Variants in XPR1 observed in about 807,000 individuals in gnomAD.
The protein encoded by XPR1 is xenotropic and polytropic retrovirus receptor 1, also known as solute carrier family 53 member 1.
In XPR1, 28 loss-of-function variants were observed where a neutral mutation model predicts 87.5. That is an observed-to-expected ratio of 0.32 (90% CI 0.24 to 0.44). The LOEUF (loss-of-function observed/expected upper bound fraction) is 0.44, where lower values mean the gene tolerates loss of function less well. XPR1 is among the 20% of genes least tolerant of loss of function. The pLI, the probability that XPR1 is intolerant of heterozygous loss-of-function variation, is 1.00. For synonymous variants in XPR1, 300 were observed against 306.1 expected (o/e 0.98, Z 0.21); for missense variants, 559 against 862.3 (o/e 0.65, Z 4.41).
intron 11 of XPR1, among the ~76,000 whole-genome samples, chr1:180,858,520 G>A (rs1185820845): frequency 3.3e-5 from 5 of 152,184 alleles, no homozygotes. Flanking sequence ...ACTTAGAGAA[G>A]CAATGCTGTC....
chr1:180,750,881 T>C (rs1201392653), intron 2 of XPR1, among the ~76,000 whole-genome samples: 1 of 152,062 alleles, frequency 6.6e-6, no homozygotes, highest in Admixed American at 6.5e-5. Flanking sequence ...TCCACGAACA[T>C]GATACACTTC....
intron 6 of XPR1, 37 bp downstream of exon 6, chr1:180,806,594 C>T: frequency 1.3e-6 from 2 of 1,581,362 alleles, no homozygotes. Context: ...TTGGTTTCAC[C>T]TATTTAATAA....
intron 11 of XPR1, among the ~76,000 whole-genome samples, chr1:180,852,477 G>A (rs571843319): frequency 5.9e-5 from 9 of 151,794 alleles, no homozygotes; most frequent in Non-Finnish European, 1.0e-4. Context: ...TTACTTATCG[G>A]TGGTCAACCA....
At chr1:180,787,902 T>G in intron 3 of XPR1, 48 bp downstream of exon 3, 1 of 1,346,828 alleles carries the variant, frequency 7.4e-7, no homozygotes, top group Non-Finnish European at 1.1e-6. Flanking sequence ...AAGGATAAAT[T>G]GTACCATATC....
intron 12 of XPR1, 87 bp downstream of exon 12, chr1:180,863,961 T>C (rs542105920): frequency 2.8e-6 from 3 of 1,057,278 alleles, no homozygotes; most frequent in Non-Finnish European, 3.8e-6. Flanking sequence ...CAACCTCTAA[T>C]TATATTACTC....
intron 3 of XPR1, among the ~76,000 whole-genome samples, chr1:180,792,904 T>TA (rs111352180): frequency 0.026 from 3,995 of 151,172 alleles, 186 homozygotes; most frequent in African/African-American, 0.091. Flanking sequence ...TGCCTAATGT[T>TA]AAAAAAAAAG....
At chr1:180,674,321 C>T (rs1028184681) in intron 1 of XPR1, among the ~76,000 whole-genome samples, 6 of 152,160 alleles carry the variant, frequency 3.9e-5, no homozygotes, top group East Asian at 1.9e-4. Flanking sequence ...TGCAGTGGCA[C>T]GATCTCGGCT....
intron 2 of XPR1, among the ~76,000 whole-genome samples, chr1:180,695,954 C>G (rs1296254279): frequency 6.6e-6 from 1 of 150,774 alleles, no homozygotes; most frequent in Non-Finnish European, 1.5e-5. Context: ...ATTTTTTTTT[C>G]TATTTCTGTG....
intron 1 of XPR1, among the ~76,000 whole-genome samples, chr1:180,654,181 G>A (rs973163750): frequency 4.0e-5 from 6 of 151,850 alleles, no homozygotes; most frequent in African/African-American, 1.5e-4. Context: ...CTATTGATAA[G>A]TATTTGTGGC....
At chr1:180,632,326 C>T (rs1654611887) in intron 1 of XPR1, 56 bp downstream of exon 1, 1 of 1,566,434 alleles carries the variant, frequency 6.4e-7, no homozygotes, top group Non-Finnish European at 8.7e-7. Context: ...CTCGCCAGTC[C>T]TGACGTCCAC....
At chr1:180,753,560 A>C (rs1000760041) in intron 2 of XPR1, among the ~76,000 whole-genome samples, 1 of 152,100 alleles carries the variant, frequency 6.6e-6, no homozygotes, top group African/African-American at 2.4e-5. Context: ...TCTTTAAAAA[A>C]AAAAAAAAAG....
chr1:180,872,706 G>C (rs1213407041), intron 12 of XPR1, among the ~76,000 whole-genome samples: 6 of 143,084 alleles, frequency 4.2e-5, no homozygotes, highest in Admixed American at 3.5e-4. Flanking sequence ...ACTGGCCTGC[G>C]CCCACTGTCT....
chr1:180,649,429 T>C (rs1655223353), intron 1 of XPR1, among the ~76,000 whole-genome samples: 1 of 151,352 alleles, frequency 6.6e-6, no homozygotes, highest in African/African-American at 2.4e-5. Context: ...AGACTCTGTC[T>C]CAAAAAAAAA....
chr1:180,845,715 T>C (rs1265992693), intron 11 of XPR1, among the ~76,000 whole-genome samples: 2 of 151,156 alleles, frequency 1.3e-5, no homozygotes, highest in Non-Finnish European at 2.9e-5. Flanking sequence ...AGATACAGGG[T>C]CTCACTACTG....
intron 1 of XPR1, among the ~76,000 whole-genome samples, chr1:180,647,829 A>T (rs2101900962): frequency 7.2e-6 from 1 of 139,380 alleles, no homozygotes; most frequent in South Asian, 2.5e-4. Flanking sequence ...TGAACCCAGG[A>T]TGTGGAGGTT....
At chr1:180,852,737 G>A (rs541584877) in intron 11 of XPR1, among the ~76,000 whole-genome samples, 1 of 152,132 alleles carries the variant, frequency 6.6e-6, no homozygotes, top group East Asian at 1.9e-4. Context: ...TTTTGTAAAG[G>A]TGAGGTCTCC....
intron 7 of XPR1, among the ~76,000 whole-genome samples, chr1:180,816,421 G>A (rs1384472140): frequency 6.6e-6 from 1 of 152,160 alleles, no homozygotes; most frequent in African/African-American, 2.4e-5. Context: ...GACAGAGCAC[G>A]GACCAGTACT....
In XPR1 at chr1:180,661,084, C is replaced by T. The variant is rs1416252814; in HGVS notation, c.70-21276C>T. Among the ~76,000 whole-genome samples the T allele has an allele frequency of 3.3e-5, 5 of 152,036 alleles. No homozygotes were observed. In the South Asian group the frequency reaches 1.0e-3, roughly 32 times the overall value. On this transcript the variant is annotated intron_variant, in intron 1 of 14. Coordinates refer to ENST00000367590, the MANE Select transcript of XPR1 (RefSeq NM_004736.4). ...TATAGCCTGTTTCTGAATTGACCTT[C>T]TTATTATATAGTGACCATTTTTATC...
chr1:180,810,565 C>T (rs972987210), intron 6 of XPR1, among the ~76,000 whole-genome samples: 3 of 150,538 alleles, frequency 2.0e-5, no homozygotes, highest in African/African-American at 4.9e-5. Flanking sequence ...GGCGATAGGA[C>T]GAGACCATGT....
Sources: allele counts gnomAD v4.1 joint callset (sites outside exome capture counted in the v4.1 genomes callset), GRCh38; gene constraint gnomAD v4.1.1; transcripts MANE v1.5; gene names NCBI Gene and HGNC (gene_info 2026-07-23, HGNC 2026-07-21).